The following ZNF397 variants were observed in gnomAD, a reference collection of about 807,000 sequenced individuals.
The protein encoded by ZNF397 is zinc finger and SCAN domain-containing protein 15.
Under a neutral mutation model 50.6 loss-of-function variants are expected in ZNF397, and 38 were observed. The observed-to-expected ratio is 0.75, with a 90% CI of 0.58 to 0.98. The LOEUF (loss-of-function observed/expected upper bound fraction) is 0.98, where lower values mean the gene tolerates loss of function less well. Ranked by LOEUF, ZNF397 falls within the 50% of genes least tolerant of loss-of-function variation. ZNF397 has a pLI of 0.00. For synonymous variants in ZNF397, 228 were observed against 215.2 expected (o/e 1.06, Z -0.52); for missense variants, 624 against 624.1 (o/e 1.00, Z 0.00).
Position 35,248,505 on chromosome 18 carries a change from A to G in ZNF397, c.*2195A>G, listed in dbSNP as rs2143615815. ...GTAAAGTAGGAATTGTAAAACGGAA[A>G]TACTCTTTATATAAGAAAGCTCTAC... On this transcript the variant is annotated 3_prime_UTR_variant, in exon 4 of 4. Transcript: ENST00000330501. 6.6e-6 allele frequency: 1 copy of G among 152,346 alleles called. No individual in the cohort carries two copies. Among genetic ancestry groups the G allele is most frequent in the Middle Eastern group, 3.4e-3 (1 of 294 alleles). 9.4% of individuals were successfully genotyped at this position (152,346 alleles called of 1,614,324 possible). A position where few individuals can be genotyped will look rare whatever the true frequency, so the allele number is the denominator to read the frequency against.
chr18:35,256,575 G>C (rs2043827247), intron 5 of ZNF397, among the ~76,000 whole-genome samples: 1 of 151,866 alleles, frequency 6.6e-6, no homozygotes, highest in African/African-American at 2.4e-5. Flanking sequence ...ATTACAATAA[G>C]AAATGGTCAC....
chr18:35,245,680 G>T lies in ZNF397; in HGVS notation c.975G>T (p.Arg325Ser). 1 of 1,552,548 alleles carries T rather than the reference G, an allele frequency of 6.4e-7. No individual in the cohort carries two copies. Among genetic ancestry groups the T allele is most frequent in the Non-Finnish European group, 8.7e-7 (1 of 1,147,440 alleles). The change falls in exon 4 of 4, where the codon AGG becomes AGT. Residue 325 changes from arginine (R) to serine (S), a missense_variant. Coordinates refer to ENST00000330501, the MANE Select transcript of ZNF397 (RefSeq NM_001135178.3). ...AGTGTGGGAAGGCCTTTAGTTTGAGGTCCTATCTTATTATTCATCAGAGAA... is the reference window on the plus strand; with the variant it reads ...AGTGTGGGAAGGCCTTTAGTTTGAGTTCCTATCTTATTATTCATCAGAGAA... ...CNQCGKAFSL[R>S]SYLIIHQRIH...
At chr18:35,251,949 A>T (rs935322838), downstream of ZNF397, 2 of 152,204 alleles carry the variant, frequency 1.3e-5, no homozygotes, top group African/African-American at 2.4e-5. Flanking sequence ...TTTAGGTATT[A>T]ATTGCCCTCA....
downstream of ZNF397, chr18:35,252,165 A>G (rs2043621485): frequency 6.6e-6 from 1 of 152,134 alleles, no homozygotes; most frequent in South Asian, 2.1e-4. Context: ...ACTTATAATC[A>G]CTGAGTTGGG....
chr18:35,246,484 T>C lies in ZNF397; in HGVS notation c.*174T>C. ...ATGTAAAGTGTCCCTTGAAAGCTTT[T>C]CCTGTGACTAATCAGAACAGAATAC... On this transcript the variant is annotated 3_prime_UTR_variant, in exon 4 of 4. Transcript: ENST00000330501. 1.4e-6 allele frequency: 2 copies of C among 1,411,620 alleles called. No individual in the cohort carries two copies. The highest frequency in any genetic ancestry group is 1.8e-6 in the Non-Finnish European group (2 of 1,087,090). 87.4% of individuals were successfully genotyped at this position (1,411,620 alleles called of 1,614,324 possible). A position where few individuals can be genotyped will look rare whatever the true frequency, so the allele number is the denominator to read the frequency against.
At chr18:35,241,684 AC>A (rs1307817984) in intron 1 of ZNF397, 2 of 152,212 alleles carry the variant, frequency 1.3e-5, no homozygotes, top group African/African-American at 4.8e-5. Context: ...ATGTTTTTGA[AC>A]ACATGGTAAG....
At position 35,242,668 on chromosome 18, in the gene ZNF397, G is replaced by A; in HGVS notation, c.198G>A (p.Glu66=). 1 of 1,614,238 alleles carries A rather than the reference G, an allele frequency of 6.2e-7. No individual in the cohort carries two copies. The change falls in exon 2 of 4, where the codon GAG becomes GAA. Residue 66 remains glutamate, a synonymous_variant. Coordinates refer to ENST00000330501, the MANE Select transcript of ZNF397 (RefSeq NM_001135178.3). ...ACCAGGAGACACCTGGGCCCCGGGA[G>A]GCTCTGAGCCGACTCCAGGAACTTT... is the stretch of plus-strand genomic sequence containing the variant. ...FCYQETPGPR[E]ALSRLQELCY...
In ZNF397 at chr18:35,243,619, G is replaced by A. The variant is rs1279128893; in HGVS notation, c.556+326G>A. The A allele has an allele frequency of 1.0e-5, 6 of 576,340 alleles. No homozygotes were observed. The Admixed American group carries it at 1.6e-4, about 15-fold the overall frequency. The allele number at this position is 576,340 out of a possible 1,614,324, so 35.7% of individuals were successfully genotyped here. A position where few individuals can be genotyped will look rare whatever the true frequency, so the allele number is the denominator to read the frequency against. ...CAAATAAAAAGGCAGTTGCAATGTAGTAAATTATAGAATATAAGTAGGCAG... is the reference window on the plus strand; with the variant it reads ...CAAATAAAAAGGCAGTTGCAATGTAATAAATTATAGAATATAAGTAGGCAG... On this transcript the variant is annotated intron_variant, in intron 3 of 3. Transcript: ENST00000330501.
downstream of ZNF397, chr18:35,253,797 T>C (rs1457441995): frequency 1.2e-6 from 2 of 1,614,176 alleles, no homozygotes; most frequent in South Asian, 2.2e-5. Context: ...TTCTCTCCAG[T>C]GTGGATTCTC....
At chr18:35,253,516 T>G, downstream of ZNF397, 1 of 1,612,332 alleles carries the variant, frequency 6.2e-7, no homozygotes, top group Non-Finnish European at 8.5e-7. Flanking sequence ...TTTTTCTACA[T>G]TCACTACATT....
chr18:35,252,950 G>GAT (rs1230648063), downstream of ZNF397: 2 of 153,594 alleles, frequency 1.3e-5, no homozygotes, highest in Admixed American at 6.5e-5. Flanking sequence ...TACTGCCTCA[G>GAT]ATATTATTAA....
At position 35,248,320 on chromosome 18, in the gene ZNF397, A is replaced by G. The variant is rs1317710510; in HGVS notation, c.*2010A>G. 1 of 152,224 alleles carries G rather than the reference A, an allele frequency of 6.6e-6. No individual in the cohort carries two copies. The highest frequency in any genetic ancestry group is 2.4e-5 in the African/African-American group (1 of 41,454). 9.4% of individuals were successfully genotyped at this position (152,224 alleles called of 1,614,324 possible). A position where few individuals can be genotyped will look rare whatever the true frequency, so the allele number is the denominator to read the frequency against. On this transcript the variant is annotated 3_prime_UTR_variant, in exon 4 of 4. Transcript: ENST00000330501. ...ACATGTGCTAACCAGTAAGAACAGCAGGAGGCCTAAATGCCCATGTTTAGG... is the reference window on the plus strand; with the variant it reads ...ACATGTGCTAACCAGTAAGAACAGCGGGAGGCCTAAATGCCCATGTTTAGG...
At chr18:35,241,780 G>C (rs1053164063) in intron 1 of ZNF397, 4 of 152,140 alleles carry the variant, frequency 2.6e-5, no homozygotes, top group African/African-American at 7.2e-5. Context: ...CTCAGTAAGT[G>C]CCTCAGTGTT....
chr18:35,242,384 C>T lies in ZNF397; in HGVS notation c.-80-7C>T, dbSNP rs2143576810. ...TGCTGTAAGTTAACTGCTTTTATAT[C>T]CTTCAGGAAAGAAGAGATTACTCAC... On this transcript the variant is annotated splice_polypyrimidine_tract_variant and splice_region_variant and intron_variant, in intron 1 of 3. Coordinates refer to ENST00000330501, the MANE Select transcript of ZNF397 (RefSeq NM_001135178.3). The T allele has an allele frequency of 7.5e-7, 1 of 1,341,970 alleles. No homozygotes were observed. The highest frequency in any genetic ancestry group is 1.0e-6 in the Non-Finnish European group (1 of 979,602). 83.1% of individuals were successfully genotyped at this position (1,341,970 alleles called of 1,614,324 possible). A position where few individuals can be genotyped will look rare whatever the true frequency, so the allele number is the denominator to read the frequency against.
chr18:35,243,112 G>A (rs1212089537), intron 2 of ZNF397, 40 bp from the exon 3 acceptor site: 2 of 1,611,146 alleles, frequency 1.2e-6, no homozygotes, highest in African/African-American at 1.3e-5. Context: ...GTTTTCTTAG[G>A]GATTTTCTCA....
chr18:35,252,378 G>A (rs940304622), downstream of ZNF397: 4 of 152,194 alleles, frequency 2.6e-5, no homozygotes, highest in South Asian at 2.1e-4. Context: ...AAAGGAACAC[G>A]GTGATCTGCC....
rs1274547162 is a variant in ZNF397, at chr18:35,245,455, C to T, written c.750C>T (p.Asn250=). 1.3e-6 allele frequency: 2 copies of T among 1,554,884 alleles called. No individual in the cohort carries two copies. Residue 250 remains asparagine, a synonymous_variant, in exon 4 of 4, where the codon AAC becomes AAT. Transcript: ENST00000330501. Reference sequence around the variant, plus strand: ...GTTTTAGTCAAGTGATCTTCACAAACAAATCTCTAGGAAAGAGAGACCTTT... The same window carrying T: ...GTTTTAGTCAAGTGATCTTCACAAATAAATCTCTAGGAAAGAGAGACCTTT... The part of the protein sequence containing the change: ...GGSFSQVIFT[N]KSLGKRDLYD...
chr18:35,254,475 T>C, downstream of ZNF397: 1 of 1,587,706 alleles, frequency 6.3e-7, no homozygotes, highest in Non-Finnish European at 8.5e-7. Context: ...AATAGGTATT[T>C]ATTTATTAGG....
In ZNF397 at chr18:35,247,249, G is replaced by GTTTT; in HGVS notation, c.*939_*940insTTTT. The GTTTT allele has an allele frequency of 1.1e-6, 1 of 909,664 alleles. No homozygotes were observed. Among genetic ancestry groups the GTTTT allele is most frequent in the Non-Finnish European group, 1.3e-6 (1 of 760,834 alleles). 56.3% of individuals were successfully genotyped at this position (909,664 alleles called of 1,614,324 possible). A position where few individuals can be genotyped will look rare whatever the true frequency, so the allele number is the denominator to read the frequency against. Reference sequence around the variant, plus strand: ...AAAACCTGGAGCCCTTGGGCCACAGGGTAGTCAAGAGCTTTGTCTTGGTTT... The same window carrying GTTTT: ...AAAACCTGGAGCCCTTGGGCCACAGGTTTTGTAGTCAAGAGCTTTGTCTTGGTTT... On this transcript the variant is annotated 3_prime_UTR_variant, in exon 4 of 4. Transcript: ENST00000330501.
Sources: allele counts gnomAD v4.1 joint callset (sites outside exome capture counted in the v4.1 genomes callset), GRCh38; gene constraint gnomAD v4.1.1; transcripts MANE v1.5; gene names NCBI Gene and HGNC (gene_info 2026-07-23, HGNC 2026-07-21).